Variants in BRINP1 observed in about 807,000 individuals in gnomAD.
BRINP1 encodes BMP/retinoic acid-inducible neural-specific protein 1.
In BRINP1, 17 loss-of-function variants were observed where a neutral mutation model predicts 72.9. The observed-to-expected ratio is 0.23, with a 90% CI of 0.16 to 0.35. The LOEUF is 0.35. BRINP1 is among the 10% of genes least tolerant of loss of function. The pLI, the probability that BRINP1 is intolerant of heterozygous loss-of-function variation, is 1.00. For missense variants in BRINP1, 850 were observed against 1,001.6 expected (o/e 0.85, Z 2.04); for synonymous variants, 418 against 378.5 (o/e 1.10, Z -1.21).
At chr9:119,197,440 A>G (rs1289443900) in intron 7 of BRINP1, among the ~76,000 whole-genome samples, 1 of 152,222 alleles carries the variant, frequency 6.6e-6, no homozygotes, top group African/African-American at 2.4e-5. Flanking sequence ...AAGCATCAAC[A>G]ACTCTGTCTG....
intron 2 of BRINP1, among the ~76,000 whole-genome samples, chr9:119,283,695 G>T (rs2118965305): frequency 6.6e-6 from 1 of 152,248 alleles, no homozygotes; most frequent in East Asian, 1.9e-4. Context: ...ACCACAACCG[G>T]CTAATTTTTG....
chr9:119,260,047 T>C (rs1564231349), intron 2 of BRINP1, among the ~76,000 whole-genome samples: 1 of 152,204 alleles, frequency 6.6e-6, no homozygotes, highest in Admixed American at 6.5e-5. Flanking sequence ...TAAAGAAATA[T>C]TCCCTGTCCC....
intron 1 of BRINP1, among the ~76,000 whole-genome samples, chr9:119,365,929 GT>G (rs1284909864): frequency 6.6e-6 from 1 of 152,104 alleles, no homozygotes; most frequent in Non-Finnish European, 1.5e-5. Flanking sequence ...AAACCCCCAT[GT>G]TTTTCAGTAT....
intron 3 of BRINP1, among the ~76,000 whole-genome samples, chr9:119,245,120 C>T (rs1301387111): frequency 6.6e-6 from 1 of 151,952 alleles, no homozygotes; most frequent in Non-Finnish European, 1.5e-5. Context: ...TACAAATAAA[C>T]AAAAAAGATG....
chr9:119,337,923 T>A (rs1831363722), intron 1 of BRINP1, among the ~76,000 whole-genome samples: 1 of 152,214 alleles, frequency 6.6e-6, no homozygotes, highest in African/African-American at 2.4e-5. Flanking sequence ...GAAGAGTGTT[T>A]CACTGGGAAC....
rs115109027 is a variant in BRINP1, at chr9:119,307,629, C to A, written c.218+5509G>T. On this transcript the variant is annotated intron_variant, in intron 2 of 7. Coordinates refer to ENST00000265922, the MANE Select transcript of BRINP1 (RefSeq NM_014618.3). ...CAGCCAGTTAACCAGTTACTCAAAA[C>A]GAAGAGGTATCCCTTTTAGTGTGCT... Among the ~76,000 whole-genome samples the A allele has an allele frequency of 7.5e-3, 1,147 of 152,254 alleles. 14 individuals carry two copies. Among genetic ancestry groups the A allele is most frequent in the African/African-American group, 0.026 (1,068 of 41,550 alleles).
At chr9:119,242,023 C>T (rs774249414) in intron 4 of BRINP1, 24 bp downstream of exon 4, 1 of 1,608,490 alleles carries the variant, frequency 6.2e-7, no homozygotes, top group South Asian at 1.1e-5. Flanking sequence ...GAACCTGTCG[C>T]CCAAATCCAC....
At chr9:119,239,125 A>T (rs963481744) in intron 4 of BRINP1, among the ~76,000 whole-genome samples, 1 of 152,226 alleles carries the variant, frequency 6.6e-6, no homozygotes, top group East Asian at 1.9e-4. Context: ...CCTGGGACCT[A>T]GGGAAGCCAA....
At chr9:119,222,212 A>G (rs1830047619) in intron 5 of BRINP1, among the ~76,000 whole-genome samples, 2 of 152,158 alleles carry the variant, frequency 1.3e-5, no homozygotes, top group African/African-American at 4.8e-5. Context: ...ACCATGTAGC[A>G]TAAGGAAGAA....
intron 1 of BRINP1, among the ~76,000 whole-genome samples, chr9:119,314,448 C>A (rs1253224703): frequency 6.6e-6 from 1 of 152,190 alleles, no homozygotes; most frequent in Non-Finnish European, 1.5e-5. Flanking sequence ...TCACTACAAC[C>A]TCCGCCTCCA....
chr9:119,359,430 G>A (rs1014160145), intron 1 of BRINP1, among the ~76,000 whole-genome samples: 4 of 152,082 alleles, frequency 2.6e-5, no homozygotes, highest in South Asian at 2.1e-4. Flanking sequence ...TCAAACAGCC[G>A]GCCTCAAGCG....
At chr9:119,361,970 T>C (rs1377136468) in intron 1 of BRINP1, among the ~76,000 whole-genome samples, 1 of 151,606 alleles carries the variant, frequency 6.6e-6, no homozygotes, top group Non-Finnish European at 1.5e-5. Flanking sequence ...TGCCCAGCTA[T>C]TTTTGTATTT....
chr9:119,174,239 G>T (rs1006860736), intron 7 of BRINP1, among the ~76,000 whole-genome samples: 1 of 149,914 alleles, frequency 6.7e-6, no homozygotes, highest in East Asian at 2.0e-4. Context: ...CTAATATCCA[G>T]AATCTACAAT....
At chr9:119,262,299 T>C (rs566904743) in intron 2 of BRINP1, among the ~76,000 whole-genome samples, 4 of 152,194 alleles carry the variant, frequency 2.6e-5, no homozygotes, top group African/African-American at 7.2e-5. Flanking sequence ...TCTTACTTAC[T>C]TCCTGTATTT....
intron 1 of BRINP1, among the ~76,000 whole-genome samples, chr9:119,367,219 T>TGTG (rs1219045184): frequency 3.5e-5 from 2 of 56,500 alleles, no homozygotes; most frequent in African/African-American, 5.7e-5. Context: ...GTGTGTGTGA[T>TGTG]TGATATATAT....
At chr9:119,270,601 G>A (rs1473504701) in intron 2 of BRINP1, among the ~76,000 whole-genome samples, 1 of 152,154 alleles carries the variant, frequency 6.6e-6, no homozygotes, top group Non-Finnish European at 1.5e-5. Flanking sequence ...TTGAGCAACT[G>A]GAAATATGAA....
At chr9:119,224,803 T>C (rs1033967969) in intron 5 of BRINP1, among the ~76,000 whole-genome samples, 10 of 152,020 alleles carry the variant, frequency 6.6e-5, no homozygotes, top group African/African-American at 2.2e-4. Context: ...TCACATTCCA[T>C]TGTCCAAAGC....
chr9:119,313,026 C>G (rs1470551780), intron 2 of BRINP1, 112 bp downstream of exon 2: 2 of 1,250,080 alleles, frequency 1.6e-6, no homozygotes, highest in Non-Finnish European at 2.2e-6. Flanking sequence ...GGAAGGAGCA[C>G]AGACCCTTGA....
At position 119,296,589 on chromosome 9, in the gene BRINP1, C is replaced by T. The variant is rs565558904; in HGVS notation, c.218+16549G>A. Among the ~76,000 whole-genome samples the T allele has an allele frequency of 5.3e-5, 8 of 152,260 alleles. No homozygotes were observed. The East Asian group carries it at 1.5e-3, about 29-fold the overall frequency. Reference sequence around the variant, plus strand: ...CTCATGTCCATTGCAGAGTTTCTCACAATAACCAAAATATGGAATCCACAT... The same window carrying T: ...CTCATGTCCATTGCAGAGTTTCTCATAATAACCAAAATATGGAATCCACAT... On this transcript the variant is annotated intron_variant, in intron 2 of 7. Transcript: ENST00000265922.
Sources: allele counts gnomAD v4.1 joint callset (sites outside exome capture counted in the v4.1 genomes callset), GRCh38; gene constraint gnomAD v4.1.1; transcripts MANE v1.5; gene names NCBI Gene and HGNC (gene_info 2026-07-23, HGNC 2026-07-21).